Variants in GRID2 observed in about 807,000 individuals in gnomAD.
GRID2 encodes glutamate ionotropic receptor delta type subunit 2, also known as glutamate receptor ionotropic, delta-2.
Under a neutral mutation model 114.8 loss-of-function variants are expected in GRID2, and 33 were observed. That is an observed-to-expected ratio of 0.29 (90% CI 0.22 to 0.38). The LOEUF (loss-of-function observed/expected upper bound fraction) is 0.38, where lower values mean the gene tolerates loss of function less well. Among genes scored for constraint, GRID2 ranks in the 10% least tolerant of loss-of-function variants. The pLI is 1.00. For missense variants in GRID2, 1,184 were observed against 1,257.7 expected, an observed-to-expected ratio of 0.94 and a Z score of 0.89; for synonymous variants, 505 against 449.9, an observed-to-expected ratio of 1.12 and a Z score of -1.55.
chr4:93,671,471 C>G (rs1179494923), intron 14 of GRID2, among the ~76,000 whole-genome samples: 1 of 152,048 alleles, frequency 6.6e-6, no homozygotes, highest in East Asian at 1.9e-4. Context: ...ACTGGGAGTA[C>G]CTGGGTGTGA....
intron 1 of GRID2, among the ~76,000 whole-genome samples, chr4:92,521,021 G>T (rs911522712): frequency 2.0e-5 from 3 of 151,742 alleles, no homozygotes; most frequent in African/African-American, 7.3e-5. Context: ...AACAATTACC[G>T]TTCATAAGTA....
intron 1 of GRID2, among the ~76,000 whole-genome samples, chr4:92,349,479 AAT>A (rs1727953639): frequency 6.6e-6 from 1 of 151,862 alleles, no homozygotes. Flanking sequence ...TAATTAAACT[AAT>A]ATATAAATGT....
chr4:93,515,322 GAC>G lies in GRID2; in HGVS notation c.2106_2107del (p.Asp702GlufsTer51). ...RMKGLNPFER[D>X]SMYSQMWRMI... ...GAAAGGACTGAATCCTTTTGAGAGG[GAC>G]AGCATGTATTCCCAAATGTGGCGGA... is the stretch of plus-strand genomic sequence containing the variant. On this transcript the variant is annotated frameshift_variant, in exon 13 of 16. Transcript: ENST00000282020. LOFTEE classifies it high-confidence loss of function. The G allele has an allele frequency of 6.2e-7, 1 of 1,611,786 alleles. No homozygotes were observed. Among genetic ancestry groups the G allele is most frequent in the Non-Finnish European group, 8.5e-7 (1 of 1,178,092 alleles).
At chr4:93,027,009 A>G (rs1231968069) in intron 2 of GRID2, among the ~76,000 whole-genome samples, 2 of 152,094 alleles carry the variant, frequency 1.3e-5, no homozygotes, top group Non-Finnish European at 2.9e-5. Flanking sequence ...AGAGGAAGAA[A>G]GGGGAAGAGT....
At chr4:93,628,562 C>T (rs1742941141) in intron 14 of GRID2, among the ~76,000 whole-genome samples, 1 of 151,968 alleles carries the variant, frequency 6.6e-6, no homozygotes, top group Admixed American at 6.6e-5. Context: ...CACACCACTG[C>T]TTTTAATTTA....
At chr4:92,514,224 T>C (rs2149134210) in intron 1 of GRID2, among the ~76,000 whole-genome samples, 1 of 152,084 alleles carries the variant, frequency 6.6e-6, no homozygotes, top group South Asian at 2.1e-4. Flanking sequence ...ATTCTGAATC[T>C]GTCATGTTCA....
At chr4:92,949,013 G>A (rs1751843361) in intron 2 of GRID2, among the ~76,000 whole-genome samples, 1 of 150,846 alleles carries the variant, frequency 6.6e-6, no homozygotes, top group Non-Finnish European at 1.5e-5. Context: ...GGTTTGTGTG[G>A]GCTTGATGTG....
Position 92,641,561 on chromosome 4 carries a change from G to C in GRID2, c.244+51275G>C, listed in dbSNP as rs539587459. 3.3e-5 allele frequency among the ~76,000 whole-genome samples: 5 copies of C among 151,584 alleles called. No individual in the cohort carries two copies. The East Asian group carries it at 9.8e-4, about 30-fold the overall frequency. On this transcript the variant is annotated intron_variant, in intron 2 of 15. Coordinates refer to ENST00000282020, the MANE Select transcript of GRID2 (RefSeq NM_001510.4). ...GAGAAGGGGAAGATATTGATCAAAA[G>C]GTACAAAACTTGCAGGTATAAAATG...
intron 14 of GRID2, among the ~76,000 whole-genome samples, chr4:93,662,494 A>G (rs1723587079): frequency 6.6e-6 from 1 of 152,184 alleles, no homozygotes; most frequent in Non-Finnish European, 1.5e-5. Context: ...AGTAAGCTCT[A>G]TCTTGATCTG....
chr4:92,390,756 A>C (rs373965650), intron 1 of GRID2, among the ~76,000 whole-genome samples: 14 of 152,274 alleles, frequency 9.2e-5, no homozygotes, highest in African/African-American at 3.4e-4. Flanking sequence ...TAAGAAAAAC[A>C]CTTCATATTT....
rs975074772 is a variant in GRID2 at position 92,936,658 on chromosome 4, G to A, written c.245-148337G>A. 4.8e-5 allele frequency among the ~76,000 whole-genome samples: 7 copies of A among 145,900 alleles called. 1 individual carries two copies. The highest frequency in any genetic ancestry group is 1.7e-4 in the African/African-American group (7 of 41,024). ...CATTTATAAGGTCTGTTCAATCAAG[G>A]TCACAATTCTGTCTTAATTTCATAG... On this transcript the variant is annotated intron_variant, in intron 2 of 15. Coordinates refer to ENST00000282020, the MANE Select transcript of GRID2 (RefSeq NM_001510.4).
chr4:92,446,982 A>G (rs1733504381), intron 1 of GRID2, among the ~76,000 whole-genome samples: 1 of 152,324 alleles, frequency 6.6e-6, no homozygotes, highest in South Asian at 2.1e-4. Context: ...AAAGCACTTC[A>G]GCTAGTCAGC....
chr4:93,385,289 A>G (rs1764211363), intron 8 of GRID2, among the ~76,000 whole-genome samples: 1 of 152,224 alleles, frequency 6.6e-6, no homozygotes, highest in African/African-American at 2.4e-5. Flanking sequence ...GAAAACCTGA[A>G]TAAGAAACCC....
intron 4 of GRID2, among the ~76,000 whole-genome samples, chr4:93,191,673 T>C (rs753031327): frequency 3.3e-5 from 5 of 152,106 alleles, no homozygotes; most frequent in Non-Finnish European, 7.4e-5. Context: ...TTTCTTTTTG[T>C]CACATCAAGA....
chr4:92,326,035 G>A (rs1280218604), intron 1 of GRID2, among the ~76,000 whole-genome samples: 1 of 151,144 alleles, frequency 6.6e-6, no homozygotes, highest in Non-Finnish European at 1.5e-5. Context: ...ATGCTTACAT[G>A]AAAAAAAATA....
At chr4:93,310,689 C>G (rs138762456) in intron 8 of GRID2, among the ~76,000 whole-genome samples, 11 of 152,090 alleles carry the variant, frequency 7.2e-5, no homozygotes, top group Non-Finnish European at 1.5e-4. Context: ...TGTATTGGAA[C>G]CTAATTGCAT....
At chr4:93,307,601 T>C (rs1246012987) in intron 8 of GRID2, among the ~76,000 whole-genome samples, 2 of 152,188 alleles carry the variant, frequency 1.3e-5, no homozygotes, top group Non-Finnish European at 1.5e-5. Context: ...CCTCCAGATA[T>C]TAACCTGAGA....
chr4:93,281,380 G>C (rs550824185), intron 8 of GRID2, among the ~76,000 whole-genome samples: 20 of 151,972 alleles, frequency 1.3e-4, no homozygotes, highest in African/African-American at 4.6e-4. Flanking sequence ...AGGGCAGCAA[G>C]AGTGAAAGTC....
intron 2 of GRID2, among the ~76,000 whole-genome samples, chr4:92,661,538 G>A (rs1328638692): frequency 6.6e-6 from 1 of 150,776 alleles, no homozygotes. Context: ...ATTTATTGAT[G>A]CAAATGAAAA....
Sources: allele counts gnomAD v4.1 joint callset (sites outside exome capture counted in the v4.1 genomes callset), GRCh38; gene constraint gnomAD v4.1.1; transcripts MANE v1.5; gene names NCBI Gene and HGNC (gene_info 2026-07-23, HGNC 2026-07-21).